Variants in WDTC1 observed in about 807,000 individuals in gnomAD.
WDTC1 encodes WD and tetratricopeptide repeats 1.
A neutral mutation model predicts 76.0 loss-of-function variants in WDTC1; 12 were observed. That is an observed-to-expected ratio of 0.16 (90% CI 0.10 to 0.26). The LOEUF is 0.26. WDTC1 is among the 10% of genes least tolerant of loss of function. The pLI, the probability that WDTC1 is intolerant of heterozygous loss-of-function variation, is 1.00. For synonymous variants in WDTC1, 326 were observed against 350.8 expected, an observed-to-expected ratio of 0.93 and a Z score of 0.79; for missense variants, 511 against 908.8, an observed-to-expected ratio of 0.56 and a Z score of 5.63.
Position 27,234,677 on chromosome 1 carries a change from A to T in WDTC1, c.-374A>T, listed in dbSNP as rs958840790. 2.0e-5 allele frequency: 8 copies of T among 396,482 alleles called. No homozygotes were observed. The highest frequency in any genetic ancestry group is 3.1e-5 in the Non-Finnish European group (7 of 224,870). The allele number at this position is 396,482 out of a possible 1,614,324, so 24.6% of individuals were successfully genotyped here. On this transcript the variant is annotated 5_prime_UTR_variant, in exon 1 of 16. Coordinates refer to ENST00000319394, the MANE Select transcript of WDTC1 (RefSeq NM_001276252.2). ...GACAGCTGGAGGAGATAAACAGAGG[A>T]GGAGGAGGGAGGGGAGTGCGTGTGT...
intron 5 of WDTC1, among the ~76,000 whole-genome samples, chr1:27,287,148 G>T (rs2013362951): frequency 6.6e-6 from 1 of 150,886 alleles, no homozygotes; most frequent in Admixed American, 6.6e-5. Context: ...GGGTGACAGA[G>T]CGAGACGCTG....
At position 27,234,813 on chromosome 1, in the gene WDTC1, A is replaced by G; in HGVS notation, c.-238A>G. 2.5e-6 allele frequency: 1 copy of G among 397,424 alleles called. No homozygotes were observed. The highest frequency in any genetic ancestry group is 4.4e-6 in the Non-Finnish European group (1 of 225,596). The allele number at this position is 397,424 out of a possible 1,614,324, so 24.6% of individuals were successfully genotyped here. A position where few individuals can be genotyped will look rare whatever the true frequency, so the allele number is the denominator to read the frequency against. ...CCAGGCGCCGGGCGGGGAGCATGGG[A>G]AGGGGCTAGAACTGCTCGAGCCCCC... On this transcript the variant is annotated 5_prime_UTR_variant, in exon 1 of 16. Transcript: ENST00000319394.
At chr1:27,270,149 G>T (rs527805400) in intron 3 of WDTC1, among the ~76,000 whole-genome samples, 1 of 152,022 alleles carries the variant, frequency 6.6e-6, no homozygotes, top group Non-Finnish European at 1.5e-5. Context: ...GTTTTGAACC[G>T]CTAGGCTCAT....
intron 5 of WDTC1, among the ~76,000 whole-genome samples, chr1:27,285,333 G>A (rs1330791207): frequency 1.3e-5 from 2 of 151,612 alleles, no homozygotes; most frequent in African/African-American, 4.8e-5. Flanking sequence ...CACAGTGCCT[G>A]GCTAGACCTT....
chr1:27,243,903 A>G (rs888634537), intron 1 of WDTC1, among the ~76,000 whole-genome samples: 1 of 151,258 alleles, frequency 6.6e-6, no homozygotes, highest in African/African-American at 2.4e-5. Flanking sequence ...AGGTGGGCAG[A>G]TCGCTTGAGC....
Position 27,234,927 on chromosome 1 carries a change from C to T in WDTC1, c.-124C>T. ...ATGGGCTCCTGAAGTTGCGCCGCTG[C>T]CGGTCGGGGGAAGAGACCTGACAGG... On this transcript the variant is annotated 5_prime_UTR_variant, in exon 1 of 16. Transcript: ENST00000319394. The T allele has an allele frequency of 2.5e-6, 1 of 394,322 alleles. No homozygotes were observed. Among genetic ancestry groups the T allele is most frequent in the Non-Finnish European group, 4.5e-6 (1 of 223,194 alleles). 24.4% of individuals were successfully genotyped at this position (394,322 alleles called of 1,614,324 possible). A position where few individuals can be genotyped will look rare whatever the true frequency, so the allele number is the denominator to read the frequency against.
chr1:27,290,901 T>C (rs757428612), intron 6 of WDTC1, among the ~76,000 whole-genome samples: 2 of 152,226 alleles, frequency 1.3e-5, no homozygotes, highest in Non-Finnish European at 2.9e-5. Context: ...GCACTCAGTA[T>C]TTGACTGGGG....
At chr1:27,257,967 T>C (rs1305444158) in intron 1 of WDTC1, among the ~76,000 whole-genome samples, 1 of 152,070 alleles carries the variant, frequency 6.6e-6, no homozygotes, top group African/African-American at 2.4e-5. Flanking sequence ...ATTTTTGTAT[T>C]TTTAGTAGAG....
At chr1:27,262,958 T>C (rs1372489751) in intron 2 of WDTC1, among the ~76,000 whole-genome samples, 194 bp from the exon 3 acceptor site, 1 of 152,164 alleles carries the variant, frequency 6.6e-6, no homozygotes, top group African/African-American at 2.4e-5. Context: ...CACAACTTAG[T>C]GCTTAATTAT....
At position 27,305,843 on chromosome 1, in the gene WDTC1, A is replaced by G. The variant is rs529611568; in HGVS notation, c.1837-343A>G. Among the ~76,000 whole-genome samples the G allele has an allele frequency of 3.2e-4, 48 of 152,246 alleles. 1 individual carries two copies. The South Asian group carries it at 6.4e-3, about 20-fold the overall frequency. On this transcript the variant is annotated intron_variant, in intron 15 of 15. Coordinates refer to ENST00000319394, the MANE Select transcript of WDTC1 (RefSeq NM_001276252.2). This position sits in a 1 kb window ranked among gnomAD's most constrained non-coding sequence, Gnocchi z 4.6. ...AGCAAGAGTTGTGGCAACAAAACAG[A>G]ATGGGGTGGGGAAGTTGTATCTGCC...
chr1:27,248,800 T>A (rs2011937205), intron 1 of WDTC1, among the ~76,000 whole-genome samples: 1 of 152,076 alleles, frequency 6.6e-6, no homozygotes, highest in Non-Finnish European at 1.5e-5. Flanking sequence ...GCTGGGACTG[T>A]AGGTGTGCCA....
intron 1 of WDTC1, among the ~76,000 whole-genome samples, chr1:27,245,758 C>T (rs1047964230): frequency 6.6e-6 from 1 of 151,252 alleles, no homozygotes; most frequent in Admixed American, 6.6e-5. Flanking sequence ...TTAGTAGAGA[C>T]GAGCTTTCAC....
At chr1:27,239,685 C>G (rs566072754) in intron 1 of WDTC1, among the ~76,000 whole-genome samples, 2 of 149,858 alleles carry the variant, frequency 1.3e-5, no homozygotes. Context: ...CGTGGTGGTG[C>G]ACACCTGTAA....
chr1:27,276,288 T>C (rs903938600), intron 3 of WDTC1, among the ~76,000 whole-genome samples: 13 of 152,234 alleles, frequency 8.5e-5, no homozygotes, highest in Non-Finnish European at 1.8e-4. Flanking sequence ...TTTAACTTTT[T>C]TGAGGAACTG....
At chr1:27,280,672 A>G (rs1043534669) in intron 3 of WDTC1, among the ~76,000 whole-genome samples, 1 of 152,214 alleles carries the variant, frequency 6.6e-6, no homozygotes, top group Non-Finnish European at 1.5e-5. Flanking sequence ...TGGAGGCTTC[A>G]TTAAATATCT....
chr1:27,299,431 A>G (rs2013776625), intron 12 of WDTC1, among the ~76,000 whole-genome samples: 1 of 151,754 alleles, frequency 6.6e-6, no homozygotes, highest in South Asian at 2.1e-4. Flanking sequence ...TCAGAAAGAC[A>G]TGGCGTCTGA....
chr1:27,252,004 C>G (rs1011149191), intron 1 of WDTC1, among the ~76,000 whole-genome samples: 3 of 151,566 alleles, frequency 2.0e-5, no homozygotes, highest in African/African-American at 7.3e-5. Context: ...GCCAAGATCG[C>G]GCCACTGCAC....
intron 1 of WDTC1, among the ~76,000 whole-genome samples, chr1:27,237,731 G>C (rs2011520101): frequency 1.3e-5 from 2 of 151,832 alleles, no homozygotes; most frequent in Non-Finnish European, 2.9e-5. Context: ...CGCGCCTGTA[G>C]TCCCAGCTAC....
intron 1 of WDTC1, among the ~76,000 whole-genome samples, chr1:27,237,009 T>C (rs1184834619): frequency 2.6e-5 from 4 of 152,170 alleles, no homozygotes; most frequent in Admixed American, 6.5e-5. Flanking sequence ...AGCTAATTTT[T>C]GTATTTTTAG....
Sources: gnomAD v4.1 joint callset for allele counts (sites outside exome capture counted in the v4.1 genomes callset) on GRCh38, gnomAD v4.1.1 for gene constraint, Gnocchi (gnomAD v3.1) non-coding constraint, MANE v1.5 for transcripts, NCBI Gene and HGNC (gene_info 2026-07-23, HGNC 2026-07-21) for gene names.